Variants in EDIL3 observed in about 807,000 individuals in gnomAD.
EDIL3 encodes the protein EGF-like repeat and discoidin I-like domain-containing protein 3.
Under a neutral mutation model 67.4 loss-of-function variants are expected in EDIL3, and 37 were observed. The observed-to-expected ratio is 0.55, with a 90% CI of 0.42 to 0.72. The LOEUF (loss-of-function observed/expected upper bound fraction) is 0.72. Ranked by LOEUF, EDIL3 falls within the 30% of genes least tolerant of loss-of-function variation. The pLI is 0.00. For synonymous variants in EDIL3, 195 were observed against 196.3 expected (o/e 0.99, Z 0.05); for missense variants, 527 against 586.3 (o/e 0.90, Z 1.04).
chr5:84,075,480 C>A (rs72774772), intron 6 of EDIL3, among the ~76,000 whole-genome samples: 21,418 of 151,478 alleles, frequency 0.14, 1,691 homozygotes, highest in African/African-American at 0.22. Flanking sequence ...TCTTCTTCTT[C>A]TTCTTATTAT....
chr5:84,071,097 C>T (rs1415589266), intron 6 of EDIL3, among the ~76,000 whole-genome samples: 1 of 152,118 alleles, frequency 6.6e-6, no homozygotes, highest in Non-Finnish European at 1.5e-5. Context: ...TACCCTCTGC[C>T]CTCCACATCA....
intron 3 of EDIL3, among the ~76,000 whole-genome samples, chr5:84,197,327 A>G (rs1390097446): frequency 6.6e-6 from 1 of 152,024 alleles, no homozygotes; most frequent in Non-Finnish European, 1.5e-5. Flanking sequence ...TCCTAGAGTA[A>G]TTAACCTCAA....
At chr5:84,280,947 C>CAAAAAAAAAAAAAAAAAAAAAAAGA (rs1745688041) in intron 1 of EDIL3, among the ~76,000 whole-genome samples, 1 of 70,198 alleles carries the variant, frequency 1.4e-5, no homozygotes, top group Non-Finnish European at 2.5e-5. Flanking sequence ...AAGACTCTGT[C>CAAAAAAAAAAAAAAAAAAAAAAAGA]AAAAAAAAAA....
intron 2 of EDIL3, among the ~76,000 whole-genome samples, chr5:84,230,315 C>T (rs1418987670): frequency 6.6e-6 from 1 of 151,960 alleles, no homozygotes; most frequent in Non-Finnish European, 1.5e-5. Context: ...AATTAAAAGT[C>T]ATGGCTGATG....
intron 1 of EDIL3, among the ~76,000 whole-genome samples, chr5:84,302,147 G>T (rs1394565716): frequency 2.0e-5 from 3 of 152,072 alleles, no homozygotes; most frequent in Non-Finnish European, 4.4e-5. Flanking sequence ...GTAATGCCTT[G>T]AGAAAATTAG....
intron 3 of EDIL3, among the ~76,000 whole-genome samples, chr5:84,201,204 CA>C (rs928299619): frequency 5.9e-5 from 9 of 151,732 alleles, no homozygotes; most frequent in Non-Finnish European, 1.0e-4. Context: ...GGGTATGATC[CA>C]GGGAAAGAAA....
chr5:84,169,055 T>C (rs1748763415), intron 4 of EDIL3, among the ~76,000 whole-genome samples: 1 of 152,072 alleles, frequency 6.6e-6, no homozygotes. Flanking sequence ...ATTCACATAC[T>C]TGACCCCCTG....
chr5:84,342,342 C>T (rs1370190254), intron 1 of EDIL3, among the ~76,000 whole-genome samples: 1 of 151,874 alleles, frequency 6.6e-6, no homozygotes, highest in African/African-American at 2.4e-5. Flanking sequence ...AAAGTAACTG[C>T]AGTTTTTGTA....
At chr5:84,301,728 A>G (rs1414326759) in intron 1 of EDIL3, among the ~76,000 whole-genome samples, 4 of 152,224 alleles carry the variant, frequency 2.6e-5, no homozygotes, top group Non-Finnish European at 5.9e-5. Context: ...ACAAGATTCA[A>G]GCACTTCTGT....
At chr5:84,151,600 G>T (rs1474480102) in intron 4 of EDIL3, among the ~76,000 whole-genome samples, 7 of 152,064 alleles carry the variant, frequency 4.6e-5, no homozygotes, top group Non-Finnish European at 8.8e-5. Flanking sequence ...AAAGATGAAT[G>T]GGGAAAAATT....
intron 3 of EDIL3, among the ~76,000 whole-genome samples, chr5:84,204,189 T>C (rs943109001): frequency 1.3e-5 from 2 of 152,146 alleles, no homozygotes; most frequent in African/African-American, 2.4e-5. Flanking sequence ...CATTAGAAAG[T>C]TGTTATCAGT....
At chr5:84,096,103 A>G (rs10038848) in intron 6 of EDIL3, among the ~76,000 whole-genome samples, 113,722 of 152,090 alleles carry the variant, frequency 0.75, 42,661 homozygotes, top group Middle Eastern at 0.78. Flanking sequence ...TGCAGGGGTG[A>G]GGCCCTCATG....
At position 84,188,932 on chromosome 5, in the gene EDIL3, C is replaced by A. The variant is rs542678711; in HGVS notation, c.227-8411G>T. Among the ~76,000 whole-genome samples, 10 of 152,128 alleles carry A rather than the reference C, an allele frequency of 6.6e-5. No homozygotes were observed. The South Asian group carries it at 1.7e-3, about 25-fold the overall frequency. ...TAATGGAAGCCCTAGCAAACTAATACCCTGTTTACAAATAAGGTTGTATTC... is the reference window on the plus strand; with the variant it reads ...TAATGGAAGCCCTAGCAAACTAATAACCTGTTTACAAATAAGGTTGTATTC... On this transcript the variant is annotated intron_variant, in intron 3 of 10. Transcript: ENST00000296591.
At position 84,238,401 on chromosome 5, in the gene EDIL3, G is replaced by GA. The variant is rs113194605; in HGVS notation, c.197-8518dup. 1.3e-4 allele frequency among the ~76,000 whole-genome samples: 19 copies of GA among 149,948 alleles called. No homozygotes were observed. The South Asian group carries it at 1.7e-3, about 13-fold the overall frequency. Reference sequence around the variant, plus strand: ...TGAAATTCAAAAGATGAAGGGGGAAGAAAAAAAAACAGTGGGCAGGTCTAA... The same window carrying GA: ...TGAAATTCAAAAGATGAAGGGGGAAGAAAAAAAAAACAGTGGGCAGGTCTAA... On this transcript the variant is annotated intron_variant, in intron 2 of 10. Coordinates refer to ENST00000296591, the MANE Select transcript of EDIL3 (RefSeq NM_005711.5).
At chr5:84,005,182 G>A (rs1405763049) in intron 9 of EDIL3, among the ~76,000 whole-genome samples, 1 of 151,788 alleles carries the variant, frequency 6.6e-6, no homozygotes, top group East Asian at 1.9e-4. Flanking sequence ...AATTGAATCA[G>A]TAATAAAATA....
chr5:84,223,272 A>T (rs1218271970), intron 3 of EDIL3, among the ~76,000 whole-genome samples: 3 of 151,678 alleles, frequency 2.0e-5, no homozygotes, highest in Non-Finnish European at 4.4e-5. Context: ...TAACTATATG[A>T]CCTAGCAACC....
chr5:84,064,766 G>C lies in EDIL3; in HGVS notation c.886C>G (p.Leu296Val). 1.2e-6 allele frequency: 2 copies of C among 1,613,902 alleles called. No individual in the cohort carries two copies. The highest frequency in any genetic ancestry group is 1.7e-6 in the Non-Finnish European group (2 of 1,179,822). Residue 296 changes from leucine to valine, a missense_variant, in exon 8 of 11, where the codon CTC becomes GTC. Physicochemically the swap from Leu to Val is conservative, Grantham distance 32. Transcript: ENST00000296591. ...TPPIKAQYVR[L>V]YPQVCRRHCT... is the part of the protein sequence containing the mutation. ...TGTCTTCGACAAACTTGGGGATAGA[G>C]TCTTACATACTGAGCTTTTATGGGG... is the stretch of plus-strand genomic sequence containing the variant.
At chr5:84,075,601 G>C (rs972937478) in intron 6 of EDIL3, among the ~76,000 whole-genome samples, 1 of 151,984 alleles carries the variant, frequency 6.6e-6, no homozygotes, top group African/African-American at 2.4e-5. Flanking sequence ...TTAGCCTCTC[G>C]AATAGCTGGG....
intron 9 of EDIL3, among the ~76,000 whole-genome samples, chr5:83,985,956 G>T (rs1004220441): frequency 1.9e-4 from 29 of 151,864 alleles, no homozygotes; most frequent in Non-Finnish European, 1.2e-4. Flanking sequence ...TACTTTAAAG[G>T]TTTACAGTGA....
Sources: gnomAD v4.1 joint callset for allele counts (sites outside exome capture counted in the v4.1 genomes callset) on GRCh38, gnomAD v4.1.1 for gene constraint, MANE v1.5 for transcripts, NCBI Gene and HGNC (gene_info 2026-07-23, HGNC 2026-07-21) for gene names.